Variants in SLC11A2 observed in about 807,000 individuals in gnomAD.
The protein encoded by SLC11A2 is solute carrier family 11 member 2, also known as natural resistance-associated macrophage protein 2.
SLC11A2 carries 38 observed loss-of-function variants against 68.0 expected under a neutral mutation model. The observed-to-expected ratio is 0.56, with a 90% CI of 0.43 to 0.73. SLC11A2 has a LOEUF of 0.73. SLC11A2 is among the 30% of genes least tolerant of loss of function. The probability of loss-of-function intolerance (pLI) is 0.00; values close to 1 mark genes in which losing one functional copy is unlikely to be tolerated. For missense variants in SLC11A2, 517 were observed against 690.5 expected, an observed-to-expected ratio of 0.75 and a Z score of 2.82; for synonymous variants, 242 against 250.6, an observed-to-expected ratio of 0.97 and a Z score of 0.32.
upstream of SLC11A2, chr12:51,026,519 A>C: frequency 2.3e-6 from 1 of 436,872 alleles, no homozygotes; most frequent in Non-Finnish European, 3.9e-6. Context: ...CGGAGTCTGG[A>C]TGCGGCGGCC....
chr12:51,026,581 T>C (rs1392754835), upstream of SLC11A2, among the ~76,000 whole-genome samples: 1 of 151,728 alleles, frequency 6.6e-6, no homozygotes, highest in Non-Finnish European at 1.5e-5. Context: ...GCATGCTGCC[T>C]AGTTGCTGCT....
the SLC11A2 span, among the ~76,000 whole-genome samples, chr12:50,957,054 G>A: frequency 2.0e-5 from 3 of 151,046 alleles, no homozygotes; most frequent in South Asian, 2.1e-4. Flanking sequence ...GTGGATCAGT[G>A]TATAAAATAT....
At chr12:51,013,751 A>G (rs989571208) in intron 1 of SLC11A2, among the ~76,000 whole-genome samples, 2 of 152,020 alleles carry the variant, frequency 1.3e-5, no homozygotes, top group African/African-American at 4.8e-5. Context: ...AAAGAAGAAA[A>G]AGAAGACACA....
At position 50,986,209 on chromosome 12, in the gene SLC11A2, T is replaced by G. The variant is rs1940534548; in HGVS notation, c.*2116A>C. On this transcript the variant is annotated 3_prime_UTR_variant, in exon 16 of 16. Coordinates refer to ENST00000262052, the MANE Select transcript of SLC11A2 (RefSeq NM_000617.3). ...AAGAACCAATTTATATAAAGTACAA[T>G]TGTATATCCTTAAACATTCCACATA... is the stretch of plus-strand genomic sequence containing the variant. 1 of 1,283,278 alleles carries G rather than the reference T, an allele frequency of 7.8e-7. No individual in the cohort carries two copies. Among genetic ancestry groups the G allele is most frequent in the South Asian group, 1.2e-5 (1 of 80,846 alleles). The allele number at this position is 1,283,278 out of a possible 1,614,324, so 79.5% of individuals were successfully genotyped here.
intron 15 of SLC11A2, among the ~76,000 whole-genome samples, chr12:50,990,380 A>T (rs1187158480): frequency 6.6e-6 from 1 of 152,224 alleles, no homozygotes; most frequent in Non-Finnish European, 1.5e-5. Flanking sequence ...TTCCTCAAAC[A>T]TACTATACTC....
downstream of SLC11A2, chr12:50,981,722 T>C (rs777915266): frequency 1.0e-5 from 16 of 1,528,750 alleles, no homozygotes; most frequent in South Asian, 1.8e-4. Context: ...TCTCAGGCTG[T>C]CAGTCATCTA....
chr12:50,993,984 C>T, intron 11 of SLC11A2, among the ~76,000 whole-genome samples: 1 of 65,712 alleles, frequency 1.5e-5, no homozygotes, highest in Admixed American at 2.0e-4. Context: ...AGAGCAAGAC[C>T]TTGTCTCCAA....
At chr12:51,000,861 C>A (rs1223010392) in intron 5 of SLC11A2, among the ~76,000 whole-genome samples, 1 of 152,018 alleles carries the variant, frequency 6.6e-6, no homozygotes, top group Non-Finnish European at 1.5e-5. Flanking sequence ...GAAGACAAAA[C>A]AAACATGAAA....
chr12:51,014,442 T>A (rs1314845411), intron 1 of SLC11A2, among the ~76,000 whole-genome samples: 1 of 152,246 alleles, frequency 6.6e-6, no homozygotes, highest in East Asian at 1.9e-4. Flanking sequence ...GTCTTCTATC[T>A]GAAATCTCAA....
intron 1 of SLC11A2, 41 bp downstream of exon 1, chr12:51,026,269 C>T (rs1300136984): frequency 1.6e-6 from 2 of 1,212,848 alleles, no homozygotes; most frequent in African/African-American, 3.2e-5. Flanking sequence ...TCCCTGCCAG[C>T]GAGCGGAATG....
chr12:50,996,945 G>A lies in SLC11A2; in HGVS notation c.703C>T (p.Gln235Ter), dbSNP rs1404649336. The A allele has an allele frequency of 1.2e-6, 2 of 1,614,042 alleles. No individual in the cohort carries two copies. Among genetic ancestry groups the A allele is most frequent in the Non-Finnish European group, 1.7e-6 (2 of 1,179,952 alleles). Reference sequence around the variant, plus strand: ...GGTACGAACATGCCCTTGAGTACCTGGCTCTGGCTGGGTTTCACTGTAACA... The same window carrying A: ...GGTACGAACATGCCCTTGAGTACCTAGCTCTGGCTGGGTTTCACTGTAACA... The part of the protein sequence containing the change: ...EYVTVKPSQS[Q>*]VLKGMFVPSC... Residue 235 changes from glutamine to a stop codon, truncating the protein, a stop_gained, in exon 9 of 16, where the codon CAG becomes TAG. Coordinates refer to ENST00000262052, the MANE Select transcript of SLC11A2 (RefSeq NM_000617.3). LOFTEE classifies it high-confidence loss of function.
rs41398049 is a variant in SLC11A2, at chr12:50,987,267, C to T, written c.*1058G>A. On this transcript the variant is annotated 3_prime_UTR_variant, in exon 16 of 16. Coordinates refer to ENST00000262052, the MANE Select transcript of SLC11A2 (RefSeq NM_000617.3). Reference sequence around the variant, plus strand: ...CTAACACCTACTGACTTGCAGAGAACGCTGAGAAAGACAGTGTGCTTTGCA... The same window carrying T: ...CTAACACCTACTGACTTGCAGAGAATGCTGAGAAAGACAGTGTGCTTTGCA... 5.6e-3 allele frequency: 7,271 copies of T among 1,287,200 alleles called. 28 individuals carry two copies. The highest frequency in any genetic ancestry group is 7.0e-3 in the Non-Finnish European group (6,900 of 988,692). The allele number at this position is 1,287,200 out of a possible 1,614,324, so 79.7% of individuals were successfully genotyped here.
chr12:51,002,553 C>T (rs368472710), intron 5 of SLC11A2, among the ~76,000 whole-genome samples: 4 of 137,390 alleles, frequency 2.9e-5, no homozygotes, highest in Non-Finnish European at 4.6e-5. Context: ...ACAGGAGAAT[C>T]GCTTGAACCT....
chr12:50,983,312 T>C (rs1220901798), downstream of SLC11A2, among the ~76,000 whole-genome samples: 1 of 152,220 alleles, frequency 6.6e-6, no homozygotes, highest in East Asian at 1.9e-4. Context: ...CCTATTATTA[T>C]TACGCAGAGC....
At chr12:50,955,392 C>G in the SLC11A2 span, among the ~76,000 whole-genome samples, 1 of 152,278 alleles carries the variant, frequency 6.6e-6, no homozygotes, top group East Asian at 1.9e-4. Flanking sequence ...TTAAAAAACC[C>G]CACAAAACCT....
At chr12:51,028,754 G>A (rs373366277), upstream of SLC11A2, among the ~76,000 whole-genome samples, 2 of 152,186 alleles carry the variant, frequency 1.3e-5, no homozygotes, top group Admixed American at 6.5e-5. Flanking sequence ...GTCTCAGAAC[G>A]TGGGTGGAAA....
chr12:50,970,598 A>G, the SLC11A2 span: 1 of 742,354 alleles, frequency 1.3e-6, no homozygotes, highest in South Asian at 1.6e-5. Flanking sequence ...ATTTTACTAC[A>G]CAAGTGTCAC....
chr12:50,981,878 A>G (rs1310498518), downstream of SLC11A2: 4 of 781,236 alleles, frequency 5.1e-6, no homozygotes, highest in Non-Finnish European at 7.8e-6. Context: ...AGTACCTATA[A>G]TTAGCACATC....
chr12:50,971,879 T>C, the SLC11A2 span, among the ~76,000 whole-genome samples: 1 of 152,252 alleles, frequency 6.6e-6, no homozygotes, highest in South Asian at 2.1e-4. Flanking sequence ...ATTCTGGATA[T>C]TAACCTAGTG....
Sources: gnomAD v4.1 joint callset for allele counts (sites outside exome capture counted in the v4.1 genomes callset) on GRCh38, gnomAD v4.1.1 for gene constraint, MANE v1.5 for transcripts, NCBI Gene and HGNC (gene_info 2026-07-23, HGNC 2026-07-21) for gene names.